Variants in DMD observed in about 807,000 individuals in gnomAD.
DMD encodes the protein mutant dystrophin.
In DMD, 63 loss-of-function variants were observed where a neutral mutation model predicts 330.1. The observed-to-expected ratio is 0.19, with a 90% CI of 0.16 to 0.24. The LOEUF (loss-of-function observed/expected upper bound fraction) is 0.24, where lower values mean the gene tolerates loss of function less well. Ranked by LOEUF, DMD falls within the 10% of genes least tolerant of loss-of-function variation. DMD has a pLI of 1.00. For missense variants in DMD, 3,344 were observed against 2,684.1 expected (o/e 1.25, Z -5.43); for synonymous variants, 1,223 against 959.8 (o/e 1.27, Z -5.07).
chrX:32,577,217 A>T (rs1249469961), intron 13 of DMD, among the ~76,000 whole-genome samples: 1 of 111,948 alleles, frequency 8.9e-6, no homozygotes, highest in South Asian at 3.8e-4. Flanking sequence ...CCACGTGAGG[A>T]TACAGGAACA....
chrX:32,917,866 T>C (rs187889432), intron 2 of DMD, among the ~76,000 whole-genome samples: 9 of 111,052 alleles, frequency 8.1e-5, no homozygotes, highest in Admixed American at 7.7e-4. Context: ...GGATTTGCTC[T>C]GCCTGACAAG....
intron 47 of DMD, among the ~76,000 whole-genome samples, chrX:31,909,293 T>A (rs2094518028): frequency 9.0e-6 from 1 of 110,605 alleles, no homozygotes; most frequent in South Asian, 3.8e-4. Context: ...AGAAGTGAGG[T>A]GTGATTTAGT....
chrX:31,165,891 C>T (rs989680303), intron 74 of DMD, among the ~76,000 whole-genome samples: 1 of 111,897 alleles, frequency 8.9e-6, no homozygotes, highest in African/African-American at 3.2e-5. Context: ...TTAGCCTTAT[C>T]TCTGTGGCAT....
At chrX:32,597,822 C>A (rs1413836339) in intron 12 of DMD, among the ~76,000 whole-genome samples, 1 of 112,107 alleles carries the variant, frequency 8.9e-6, no homozygotes, top group East Asian at 2.8e-4. Context: ...CCCTGTTACA[C>A]TATTTATTAT....
chrX:32,201,471 C>T (rs1300171783), intron 44 of DMD, among the ~76,000 whole-genome samples: 1 of 30,001 alleles, frequency 3.3e-5, no homozygotes, highest in Non-Finnish European at 6.3e-5. Context: ...ATTCAAACAC[C>T]CCCCCCCCCC....
At chrX:32,314,128 C>T (rs1006907927) in intron 41 of DMD, among the ~76,000 whole-genome samples, 8 of 111,533 alleles carry the variant, frequency 7.2e-5, no homozygotes, top group African/African-American at 9.8e-5. Context: ...GGAGGCATCA[C>T]GCTACCTGAC....
chrX:32,573,141 C>T (rs1348743486), intron 15 of DMD, among the ~76,000 whole-genome samples: 1 of 111,523 alleles, frequency 9.0e-6, no homozygotes, highest in Non-Finnish European at 1.9e-5. Context: ...TAAGGTTAAA[C>T]TCCATCAATG....
At chrX:31,475,265 A>G (rs1320091408) in intron 59 of DMD, among the ~76,000 whole-genome samples, 2 of 112,224 alleles carry the variant, frequency 1.8e-5, no homozygotes, top group African/African-American at 6.5e-5. Context: ...CAATCAGGGT[A>G]TGGAAAATGA....
intron 2 of DMD, among the ~76,000 whole-genome samples, chrX:32,906,174 T>C (rs2086710357): frequency 9.0e-6 from 1 of 111,680 alleles, no homozygotes; most frequent in Admixed American, 9.5e-5. Context: ...TTCTCATTAA[T>C]GGTGTAGCAC....
chrX:31,179,806 AACCTCAGG>A (rs1203401945), intron 69 of DMD, among the ~76,000 whole-genome samples: 1 of 112,093 alleles, frequency 8.9e-6, no homozygotes, highest in African/African-American at 3.2e-5. Context: ...TAAATTATTT[AACCTCAGG>A]ACCTCAGGGT....
At chrX:32,816,400 A>G in intron 6 of DMD, 68 bp downstream of exon 6, 1 of 1,144,224 alleles carries the variant, frequency 8.7e-7, no homozygotes, top group Non-Finnish European at 1.2e-6. Context: ...CATACTGGGG[A>G]AAAATATGTC....
intron 13 of DMD, among the ~76,000 whole-genome samples, chrX:32,590,174 C>T (rs990973594): frequency 8.9e-6 from 1 of 111,776 alleles, no homozygotes; most frequent in Non-Finnish European, 1.9e-5. Context: ...TCAATTTTAG[C>T]GAATGTAGCT....
chrX:31,824,955 TA>T (rs2092859934), intron 49 of DMD, among the ~76,000 whole-genome samples: 1 of 111,730 alleles, frequency 9.0e-6, no homozygotes, highest in African/African-American at 3.2e-5. Flanking sequence ...TCAATAAATG[TA>T]ACTTTTTTAT....
At chrX:31,735,566 T>C (rs1281695353) in intron 51 of DMD, among the ~76,000 whole-genome samples, 1 of 112,320 alleles carries the variant, frequency 8.9e-6, no homozygotes, top group East Asian at 2.8e-4. Context: ...AATATGTATT[T>C]TTACATACTA....
intron 44 of DMD, among the ~76,000 whole-genome samples, chrX:32,174,938 C>A (rs1427071203): frequency 9.0e-6 from 1 of 111,147 alleles, no homozygotes; most frequent in Non-Finnish European, 1.9e-5. Flanking sequence ...ATATAGAGAG[C>A]CTCTTTTGAA....
rs16990525 is a variant in DMD, at chrX:32,639,317, G to T, written c.1331+4815C>A. Among the ~76,000 whole-genome samples the T allele has an allele frequency of 9.5e-3, 1,062 of 111,254 alleles. 9 individuals carry two copies. The highest frequency in any genetic ancestry group is 0.033 in the African/African-American group (1,020 of 30,587). Reference sequence around the variant, plus strand: ...TCTTCTTGCACTTCCACAGTTGGAAGTTGTGTGTTTTTCTTCCGAATTCCT... The same window carrying T: ...TCTTCTTGCACTTCCACAGTTGGAATTTGTGTGTTTTTCTTCCGAATTCCT... On this transcript the variant is annotated intron_variant, in intron 11 of 78. Coordinates refer to ENST00000357033, the MANE Select transcript of DMD (RefSeq NM_004006.3).
intron 2 of DMD, among the ~76,000 whole-genome samples, chrX:32,936,897 A>G (rs1381080667): frequency 2.7e-5 from 3 of 111,912 alleles, no homozygotes; most frequent in African/African-American, 6.5e-5. Flanking sequence ...CACATTATCA[A>G]AAAACGTGTA....
chrX:32,665,465 G>C (rs1170703227), intron 9 of DMD, among the ~76,000 whole-genome samples: 1 of 112,145 alleles, frequency 8.9e-6, no homozygotes, highest in Non-Finnish European at 1.9e-5. Context: ...TTTTGTTATT[G>C]TGCCAATTAA....
chrX:31,976,859 T>C (rs1046753879), intron 44 of DMD, among the ~76,000 whole-genome samples: 2 of 111,841 alleles, frequency 1.8e-5, no homozygotes, highest in African/African-American at 3.2e-5. Context: ...GGTAAATTGT[T>C]CAATGCAGTA....
Sources: gnomAD v4.1 joint callset for allele counts (sites outside exome capture counted in the v4.1 genomes callset) on GRCh38, gnomAD v4.1.1 for gene constraint, MANE v1.5 for transcripts, NCBI Gene and HGNC (gene_info 2026-07-23, HGNC 2026-07-21) for gene names.